The following STPG2 variants were observed in gnomAD, a reference collection of about 807,000 sequenced individuals.
STPG2 encodes sperm-tail PG-rich repeat-containing protein 2.
A neutral mutation model predicts 54.2 loss-of-function variants in STPG2; 56 were observed. The observed-to-expected ratio is 1.03, with a 90% CI of 0.83 to 1.29. The LOEUF is 1.29. Among genes scored for constraint, STPG2 ranks in the 50% most tolerant of loss-of-function variants. The probability of loss-of-function intolerance (pLI) is 0.00; values close to 1 mark genes in which losing one functional copy is unlikely to be tolerated. For synonymous variants in STPG2, 200 were observed against 181.8 expected, an observed-to-expected ratio of 1.10 and a Z score of -0.81; for missense variants, 596 against 544.9, an observed-to-expected ratio of 1.09 and a Z score of -0.93.
At chr4:97,828,879 G>A (rs1477043325) in intron 9 of STPG2, among the ~76,000 whole-genome samples, 1 of 152,150 alleles carries the variant, frequency 6.6e-6, no homozygotes, top group African/African-American at 2.4e-5. Flanking sequence ...CTGGTTAGGG[G>A]ATTATAGATA....
At chr4:98,074,381 T>A (rs1376031248) in intron 5 of STPG2, among the ~76,000 whole-genome samples, 1 of 152,216 alleles carries the variant, frequency 6.6e-6, no homozygotes, top group Non-Finnish European at 1.5e-5. Context: ...TTTTTAGCAA[T>A]TTTAATATGT....
At chr4:97,903,455 A>G (rs1731258708) in intron 8 of STPG2, among the ~76,000 whole-genome samples, 2 of 152,144 alleles carry the variant, frequency 1.3e-5, no homozygotes, top group Non-Finnish European at 2.9e-5. Flanking sequence ...TCTAAAAAAA[A>G]AACAGCAAAT....
At chr4:97,851,452 A>G (rs576870848) in intron 8 of STPG2, among the ~76,000 whole-genome samples, 14 of 152,286 alleles carry the variant, frequency 9.2e-5, no homozygotes, top group Middle Eastern at 6.8e-3. Context: ...AACCCATACA[A>G]TGCTTAAATT....
chr4:97,818,273 G>A (rs994500454), intron 9 of STPG2, among the ~76,000 whole-genome samples: 36 of 151,866 alleles, frequency 2.4e-4, no homozygotes, highest in African/African-American at 8.5e-4. Context: ...GAACTCCAGT[G>A]TATGCCTGAA....
At position 97,454,489 on chromosome 4, in the gene STPG2, C is replaced by G. The variant is rs534482744; in HGVS notation, c.462+258210G>C. Among the ~76,000 whole-genome samples the G allele has an allele frequency of 2.0e-3, 253 of 126,334 alleles. 2 individuals are homozygous for G. The highest frequency in any genetic ancestry group is 0.016 in the East Asian group (66 of 4,052). 82.9% of individuals were successfully genotyped at this position (126,334 alleles called of 152,430 possible). A position where few individuals can be genotyped will look rare whatever the true frequency, so the allele number is the denominator to read the frequency against. On this transcript the variant is annotated intron_variant, in intron 4 of 4. Transcript: ENST00000522676. ...GATTGCGCCACTGCAGTCCGCAGTC[C>G]GGCCTGGGCGACAGAGCGAGACTCC...
At chr4:97,557,906 C>A (rs1732117572), downstream of STPG2, among the ~76,000 whole-genome samples, 1 of 152,092 alleles carries the variant, frequency 6.6e-6, no homozygotes. Context: ...ATATCAACAC[C>A]AACGAAGAAA....
In STPG2 at chr4:97,624,647, T is replaced by C. The variant is rs574764957; in HGVS notation, c.1321-65530A>G. 6.6e-5 allele frequency among the ~76,000 whole-genome samples: 10 copies of C among 152,318 alleles called. No individual in the cohort carries two copies. The East Asian group carries it at 1.9e-3, about 29-fold the overall frequency. On this transcript the variant is annotated intron_variant, in intron 10 of 10. Transcript: ENST00000295268. ...TAATTATATCCCATTTGTCAATTTT[T>C]GTTTTTGTTGCAATTGCTTTTGACA...
intron 8 of STPG2, among the ~76,000 whole-genome samples, chr4:97,904,833 A>G (rs1238500763): frequency 2.0e-5 from 3 of 152,246 alleles, no homozygotes; most frequent in Non-Finnish European, 4.4e-5. Context: ...AAGCCGATGC[A>G]ATCAACTGGA....
At chr4:98,063,914 G>A (rs1269512468) in intron 5 of STPG2, among the ~76,000 whole-genome samples, 1 of 151,738 alleles carries the variant, frequency 6.6e-6, no homozygotes, top group Non-Finnish European at 1.5e-5. Context: ...GTGTGGTGGT[G>A]TGCACATGGG....
intron 10 of STPG2, among the ~76,000 whole-genome samples, chr4:97,702,483 T>C (rs1428974631): frequency 6.6e-6 from 1 of 152,106 alleles, no homozygotes; most frequent in Non-Finnish European, 1.5e-5. Context: ...GACTTTAATC[T>C]AGTTATAGGT....
intron 8 of STPG2, among the ~76,000 whole-genome samples, chr4:97,920,216 C>T (rs1198747375): frequency 1.9e-4 from 29 of 152,138 alleles, no homozygotes; most frequent in Admixed American, 1.9e-3. Context: ...ATATCCAGAA[C>T]TCATAAGTCC....
chr4:97,739,313 CA>C (rs1377397346), intron 9 of STPG2, among the ~76,000 whole-genome samples: 1 of 152,024 alleles, frequency 6.6e-6, no homozygotes, highest in Non-Finnish European at 1.5e-5. Flanking sequence ...ACTAGAAAAG[CA>C]AGAGCAAACA....
intron 9 of STPG2, among the ~76,000 whole-genome samples, chr4:97,797,992 T>C (rs1331310165): frequency 6.6e-6 from 1 of 152,210 alleles, no homozygotes; most frequent in Non-Finnish European, 1.5e-5. Flanking sequence ...TTTATAGTAT[T>C]CTCTGATGGT....
chr4:98,069,153 T>C (rs1227892561), intron 5 of STPG2, among the ~76,000 whole-genome samples: 1 of 152,074 alleles, frequency 6.6e-6, no homozygotes, highest in Non-Finnish European at 1.5e-5. Flanking sequence ...TCTATATAAA[T>C]ATATTGATCA....
chr4:97,675,819 A>G (rs545877326), intron 10 of STPG2, among the ~76,000 whole-genome samples: 4 of 151,212 alleles, frequency 2.6e-5, no homozygotes, highest in Non-Finnish European at 5.9e-5. Context: ...TAGGGTCCCA[A>G]CAATTAAATG....
At chr4:98,086,233 G>C (rs1738499154) in intron 5 of STPG2, among the ~76,000 whole-genome samples, 1 of 152,010 alleles carries the variant, frequency 6.6e-6, no homozygotes, top group Non-Finnish European at 1.5e-5. Flanking sequence ...CAAGCTATAA[G>C]ATAATCCTCA....
In STPG2 at chr4:97,955,290, C is replaced by T. The variant is rs548682389; in HGVS notation, c.934-11283G>A. On this transcript the variant is annotated intron_variant, in intron 7 of 10. Coordinates refer to ENST00000295268, the MANE Select transcript of STPG2 (RefSeq NM_174952.3). ...AGTGCAGTGGCACGATCTCGGCTCA[C>T]GGCTTGCTCCACCTTATGGGTTCAC... Among the ~76,000 whole-genome samples the T allele has an allele frequency of 1.8e-3, 273 of 151,186 alleles. 2 individuals are homozygous for T. Among genetic ancestry groups the T allele is most frequent in the African/African-American group, 5.9e-3 (244 of 41,142 alleles).
intron 5 of STPG2, among the ~76,000 whole-genome samples, chr4:98,082,780 C>A (rs1738389784): frequency 6.6e-6 from 1 of 151,816 alleles, no homozygotes; most frequent in African/African-American, 2.4e-5. Context: ...CAAACATTTC[C>A]TAAATAACAA....
At chr4:98,071,113 A>G (rs1286152179) in intron 5 of STPG2, among the ~76,000 whole-genome samples, 1 of 152,200 alleles carries the variant, frequency 6.6e-6, no homozygotes, top group South Asian at 2.1e-4. Flanking sequence ...AGCCAAAGAA[A>G]TTCTAAGTAA....
Sources: gnomAD v4.1 joint callset for allele counts (sites outside exome capture counted in the v4.1 genomes callset) on GRCh38, gnomAD v4.1.1 for gene constraint, MANE v1.5 for transcripts, NCBI Gene and HGNC (gene_info 2026-07-23, HGNC 2026-07-21) for gene names.